ZNF490: variants seen among roughly 807,000 people sequenced by gnomAD.
ZNF490 encodes the protein zinc finger protein 490.
Under a neutral mutation model 17.7 loss-of-function variants are expected in ZNF490, and 11 were observed. The ratio of observed to expected loss-of-function variants is 0.62; its 90% CI spans 0.39 to 1.03. ZNF490 has a LOEUF of 1.03. Among genes scored for constraint, ZNF490 ranks in the 50% least tolerant of loss-of-function variants. The pLI is 0.00. For missense variants in ZNF490, 542 were observed against 643.4 expected, an observed-to-expected ratio of 0.84 and a Z score of 1.71; for synonymous variants, 222 against 216.1, an observed-to-expected ratio of 1.03 and a Z score of -0.24.
Position 12,584,436 on chromosome 19 carries a change from G to A in ZNF490, c.163-880C>T, listed in dbSNP as rs556853701. ...CTCCCAAAGTGCTGGGATTACAGGC[G>A]TGAGCCACCGCGCCCGGCCACCTTA... On this transcript the variant is annotated intron_variant, in intron 2 of 4. Transcript: ENST00000311437. Among the ~76,000 whole-genome samples, 32 of 94,660 alleles carry A rather than the reference G, an allele frequency of 3.4e-4. 11 individuals are homozygous for A. The highest frequency in any genetic ancestry group is 6.9e-4 in the Admixed American group (7 of 10,154). The allele number at this position is 94,660 out of a possible 152,430, so 62.1% of individuals were successfully genotyped here. A position where few individuals can be genotyped will look rare whatever the true frequency, so the allele number is the denominator to read the frequency against.
chr19:12,585,118 A>C lies in ZNF490; in HGVS notation c.163-1562T>G, dbSNP rs1170434024. ...TAGGGAGTGGGCTAGTGTGAGTTCA[A>C]GCATACAGGTGGAGGCTGATGCGAA... On this transcript the variant is annotated intron_variant, in intron 2 of 4. Transcript: ENST00000311437. Among the ~76,000 whole-genome samples, 3 of 93,714 alleles carry C rather than the reference A, an allele frequency of 3.2e-5. 1 individual carries two copies. The highest frequency in any genetic ancestry group is 9.6e-5 in the African/African-American group (3 of 31,180). 61.5% of individuals were successfully genotyped at this position (93,714 alleles called of 152,430 possible). A position where few individuals can be genotyped will look rare whatever the true frequency, so the allele number is the denominator to read the frequency against.
chr19:12,606,808 CAT>C (rs755869188), intron 2 of ZNF490, among the ~76,000 whole-genome samples: 3 of 152,054 alleles, frequency 2.0e-5, no homozygotes, highest in African/African-American at 7.2e-5. Context: ...ATTTCCAGCA[CAT>C]GTTAGGAAAG....
intron 2 of ZNF490, among the ~76,000 whole-genome samples, chr19:12,592,458 A>G (rs1028754633): frequency 6.6e-6 from 1 of 152,160 alleles, no homozygotes; most frequent in African/African-American, 2.4e-5. Flanking sequence ...AAGTGAAAGA[A>G]GCCAATCTAA....
Position 12,580,460 on chromosome 19 carries a change from G to T in ZNF490, c.*25C>A. 1.3e-6 allele frequency: 2 copies of T among 1,548,494 alleles called. No homozygotes were observed. Among genetic ancestry groups the T allele is most frequent in the South Asian group, 2.5e-5 (2 of 79,824 alleles). On this transcript the variant is annotated 3_prime_UTR_variant, in exon 5 of 5. Coordinates refer to ENST00000311437, the MANE Select transcript of ZNF490 (RefSeq NM_020714.3). ...ACATCCAAAAGGAACTAATACAACTGACAGCATTACCACACTTTACTTTCT... is the reference window on the plus strand; with the variant it reads ...ACATCCAAAAGGAACTAATACAACTTACAGCATTACCACACTTTACTTTCT...
chr19:12,592,079 T>C (rs554952011), intron 2 of ZNF490, among the ~76,000 whole-genome samples: 1 of 152,322 alleles, frequency 6.6e-6, no homozygotes, highest in East Asian at 1.9e-4. Flanking sequence ...GGCTCACGCC[T>C]GTAATCCCAG....
chr19:12,600,020 G>A (rs954654691), intron 2 of ZNF490, among the ~76,000 whole-genome samples: 7 of 152,184 alleles, frequency 4.6e-5, no homozygotes, highest in African/African-American at 1.2e-4. Context: ...AAACATTGGC[G>A]TAAATATGTC....
chr19:12,590,108 G>C (rs2022851634), intron 2 of ZNF490, among the ~76,000 whole-genome samples: 1 of 151,674 alleles, frequency 6.6e-6, no homozygotes. Context: ...GTAGAGACGG[G>C]GTTTCACCAT....
At chr19:12,602,411 A>G (rs1375409430) in intron 2 of ZNF490, among the ~76,000 whole-genome samples, 4 of 151,816 alleles carry the variant, frequency 2.6e-5, no homozygotes, top group African/African-American at 9.7e-5. Flanking sequence ...TTAGTTGGGC[A>G]TGGTGGCAGG....
In ZNF490 at chr19:12,578,396, G is replaced by A; in HGVS notation, c.*2089C>T. On this transcript the variant is annotated 3_prime_UTR_variant, in exon 5 of 5. Transcript: ENST00000311437. ...ACCGCAGGAGAGTGGATGCTGTGTG[G>A]TCAAGGGGTGTGTGTCCCATGATAC... 1.0e-6 allele frequency: 1 copy of A among 985,548 alleles called. No individual in the cohort carries two copies. Among genetic ancestry groups the A allele is most frequent in the Non-Finnish European group, 1.2e-6 (1 of 830,028 alleles). 61.1% of individuals were successfully genotyped at this position (985,548 alleles called of 1,614,324 possible). A position where few individuals can be genotyped will look rare whatever the true frequency, so the allele number is the denominator to read the frequency against.
Position 12,577,814 on chromosome 19 carries a change from G to A in ZNF490, c.*2671C>T, listed in dbSNP as rs963963944. 1.0e-6 allele frequency: 1 copy of A among 985,526 alleles called. No homozygotes were observed. Among genetic ancestry groups the A allele is most frequent in the Non-Finnish European group, 1.2e-6 (1 of 830,032 alleles). 61.0% of individuals were successfully genotyped at this position (985,526 alleles called of 1,614,324 possible). ...ACCCAGGGAGACTGTTGTTACGAGG[G>A]TGGATGGTGACCTGGTTTCCCTCAA... On this transcript the variant is annotated 3_prime_UTR_variant, in exon 5 of 5. Coordinates refer to ENST00000311437, the MANE Select transcript of ZNF490 (RefSeq NM_020714.3).
rs2022678869 is a variant in ZNF490 at position 12,578,820 on chromosome 19, G to C, written c.*1665C>G. The C allele has an allele frequency of 2.0e-6, 2 of 985,426 alleles. No individual in the cohort carries two copies. Among genetic ancestry groups the C allele is most frequent in the Non-Finnish European group, 1.2e-6 (1 of 829,970 alleles). The allele number at this position is 985,426 out of a possible 1,614,324, so 61.0% of individuals were successfully genotyped here. A position where few individuals can be genotyped will look rare whatever the true frequency, so the allele number is the denominator to read the frequency against. Reference sequence around the variant, plus strand: ...ACTGGATGCCACAAAAGGCCTGCTGGGGCCCAAGTCCTTCTTCCCCATTCC... The same window carrying C: ...ACTGGATGCCACAAAAGGCCTGCTGCGGCCCAAGTCCTTCTTCCCCATTCC... On this transcript the variant is annotated 3_prime_UTR_variant, in exon 5 of 5. Coordinates refer to ENST00000311437, the MANE Select transcript of ZNF490 (RefSeq NM_020714.3).
chr19:12,580,095 A>G lies in ZNF490; in HGVS notation c.*390T>C, dbSNP rs2022707239. On this transcript the variant is annotated 3_prime_UTR_variant, in exon 5 of 5. Coordinates refer to ENST00000311437, the MANE Select transcript of ZNF490 (RefSeq NM_020714.3). ...GCACTCCAGCCTGGGCAACAAGAGCAAAATTACATCTCAACAAAAACAAAA... is the reference window on the plus strand; with the variant it reads ...GCACTCCAGCCTGGGCAACAAGAGCGAAATTACATCTCAACAAAAACAAAA... 1 of 986,270 alleles carries G rather than the reference A, an allele frequency of 1.0e-6. No homozygotes were observed. The highest frequency in any genetic ancestry group is 1.7e-5 in the African/African-American group (1 of 57,352). 61.1% of individuals were successfully genotyped at this position (986,270 alleles called of 1,614,324 possible). A position where few individuals can be genotyped will look rare whatever the true frequency, so the allele number is the denominator to read the frequency against.
chr19:12,599,139 C>CAAAAAAAA (rs55911311), intron 2 of ZNF490, among the ~76,000 whole-genome samples: 174 of 68,534 alleles, frequency 2.5e-3, no homozygotes, highest in East Asian at 6.1e-3. Flanking sequence ...GACTCTGTCT[C>CAAAAAAAA]AAAAAAAAAA....
At chr19:12,601,261 A>C (rs1281536434) in intron 2 of ZNF490, among the ~76,000 whole-genome samples, 1 of 147,912 alleles carries the variant, frequency 6.8e-6, no homozygotes, top group Non-Finnish European at 1.5e-5. Flanking sequence ...GGTGGCGGGC[A>C]CCTGTAGTCC....
chr19:12,577,829 G>A lies in ZNF490; in HGVS notation c.*2656C>T. 1.0e-6 allele frequency: 1 copy of A among 985,526 alleles called. No individual in the cohort carries two copies. The highest frequency in any genetic ancestry group is 1.2e-6 in the Non-Finnish European group (1 of 830,032). The allele number at this position is 985,526 out of a possible 1,614,324, so 61.0% of individuals were successfully genotyped here. On this transcript the variant is annotated 3_prime_UTR_variant, in exon 5 of 5. Coordinates refer to ENST00000311437, the MANE Select transcript of ZNF490 (RefSeq NM_020714.3). ...TGTTACGAGGGTGGATGGTGACCTG[G>A]TTTCCCTCAATGCTGCCACCTCCCT...
In ZNF490 at chr19:12,578,077, G is replaced by A. The variant is rs574638292; in HGVS notation, c.*2408C>T. 135 of 985,420 alleles carry A rather than the reference G, an allele frequency of 1.4e-4. No homozygotes were observed. Among genetic ancestry groups the A allele is most frequent in the Non-Finnish European group, 1.6e-4 (129 of 829,952 alleles). The allele number at this position is 985,420 out of a possible 1,614,324, so 61.0% of individuals were successfully genotyped here. A position where few individuals can be genotyped will look rare whatever the true frequency, so the allele number is the denominator to read the frequency against. Reference sequence around the variant, plus strand: ...CTCCCATACACAACAGAGCTGGAGCGCTGCAGGGTGGGTCCTTTTCCAAGA... The same window carrying A: ...CTCCCATACACAACAGAGCTGGAGCACTGCAGGGTGGGTCCTTTTCCAAGA... On this transcript the variant is annotated 3_prime_UTR_variant, in exon 5 of 5. Coordinates refer to ENST00000311437, the MANE Select transcript of ZNF490 (RefSeq NM_020714.3).
At position 12,583,411 on chromosome 19, in the gene ZNF490, G is replaced by T. The variant is rs764180646; in HGVS notation, c.289+19C>A. ...CCTGTTCCCTCCTTAATTAAGTAGA[G>T]AAATTATGTCACCCTTACCTATACA... On this transcript the variant is annotated intron_variant, in intron 3 of 4. Coordinates refer to ENST00000311437, the MANE Select transcript of ZNF490 (RefSeq NM_020714.3). 1 of 1,571,866 alleles carries T rather than the reference G, an allele frequency of 6.4e-7. No homozygotes were observed. Among genetic ancestry groups the T allele is most frequent in the South Asian group, 1.1e-5 (1 of 87,984 alleles).
chr19:12,578,198 A>G lies in ZNF490; in HGVS notation c.*2287T>C, dbSNP rs565264983. The G allele has an allele frequency of 1.0e-6, 1 of 985,402 alleles. No homozygotes were observed. The highest frequency in any genetic ancestry group is 1.2e-6 in the Non-Finnish European group (1 of 829,994). The allele number at this position is 985,402 out of a possible 1,614,324, so 61.0% of individuals were successfully genotyped here. On this transcript the variant is annotated 3_prime_UTR_variant, in exon 5 of 5. Transcript: ENST00000311437. Reference sequence around the variant, plus strand: ...GACGTGAGAAGGCCGGAGCATCATCAGTGCATATGCCGCTGAATATCTCAG... The same window carrying G: ...GACGTGAGAAGGCCGGAGCATCATCGGTGCATATGCCGCTGAATATCTCAG...
In ZNF490 at chr19:12,578,127, G is replaced by A; in HGVS notation, c.*2358C>T. Reference sequence around the variant, plus strand: ...AAGAGCTAAGTGCTAGTCTTAGCGGGAGGCTAGGAAACCAGTCCTGGAGCA... The same window carrying A: ...AAGAGCTAAGTGCTAGTCTTAGCGGAAGGCTAGGAAACCAGTCCTGGAGCA... On this transcript the variant is annotated 3_prime_UTR_variant, in exon 5 of 5. Transcript: ENST00000311437. 1.0e-6 allele frequency: 1 copy of A among 985,508 alleles called. No homozygotes were observed. Among genetic ancestry groups the A allele is most frequent in the South Asian group, 4.7e-5 (1 of 21,286 alleles). The allele number at this position is 985,508 out of a possible 1,614,324, so 61.0% of individuals were successfully genotyped here. A position where few individuals can be genotyped will look rare whatever the true frequency, so the allele number is the denominator to read the frequency against.
Sources: allele counts gnomAD v4.1 joint callset (sites outside exome capture counted in the v4.1 genomes callset), GRCh38; gene constraint gnomAD v4.1.1; transcripts MANE v1.5; gene names NCBI Gene and HGNC (gene_info 2026-07-23, HGNC 2026-07-21).